CTNNA1: variants seen among roughly 807,000 people sequenced by gnomAD.
The protein encoded by CTNNA1 is catenin alpha 1, also known as catenin alpha-1.
CTNNA1 carries 37 observed loss-of-function variants against 98.4 expected under a neutral mutation model. The observed-to-expected ratio is 0.38, with a 90% CI of 0.29 to 0.49. The LOEUF (loss-of-function observed/expected upper bound fraction) is 0.49, where lower values mean the gene tolerates loss of function less well. CTNNA1 is among the 20% of genes least tolerant of loss of function. CTNNA1 has a pLI of 0.95. For synonymous variants in CTNNA1, 404 were observed against 413.2 expected, an observed-to-expected ratio of 0.98 and a Z score of 0.27; for missense variants, 761 against 1,147.2, an observed-to-expected ratio of 0.66 and a Z score of 4.86.
At chr5:138,781,681 A>C (rs546214812) in intron 1 of CTNNA1, among the ~76,000 whole-genome samples, 1 of 152,316 alleles carries the variant, frequency 6.6e-6, no homozygotes, top group South Asian at 2.1e-4. Flanking sequence ...GCCCAAAGGG[A>C]AACATTCTGT....
intron 12 of CTNNA1, 67 bp downstream of exon 12, chr5:138,924,777 A>G: frequency 2.2e-6 from 3 of 1,373,018 alleles, no homozygotes; most frequent in Non-Finnish European, 3.0e-6. Context: ...CCACCCCATT[A>G]GCCCAGCCCT....
chr5:138,778,904 A>T (rs1324546508), intron 1 of CTNNA1, among the ~76,000 whole-genome samples: 3 of 151,838 alleles, frequency 2.0e-5, no homozygotes, highest in Non-Finnish European at 2.9e-5. Context: ...TTTGAGATGG[A>T]ATCTTGCTCT....
At chr5:138,869,985 A>C (rs1300168726) in intron 7 of CTNNA1, 1 of 152,632 alleles carries the variant, frequency 6.6e-6, no homozygotes, top group East Asian at 1.9e-4. Context: ...ACGATTTCAA[A>C]CTAGTTCTTG....
At chr5:138,785,092 C>T (rs1288129065) in intron 3 of CTNNA1, among the ~76,000 whole-genome samples, 2 of 144,030 alleles carry the variant, frequency 1.4e-5, no homozygotes, top group Admixed American at 7.1e-5. Flanking sequence ...GACGGAGTCT[C>T]GCTCTGTCGC....
chr5:138,931,584 G>A, intron 16 of CTNNA1: 4 of 984,844 alleles, frequency 4.1e-6, no homozygotes, highest in Middle Eastern at 5.2e-4. Context: ...CGGTAATAGG[G>A]CCTATTGCTT....
intron 9 of CTNNA1, among the ~76,000 whole-genome samples, chr5:138,903,695 A>T (rs553363094): frequency 3.9e-5 from 6 of 152,254 alleles, no homozygotes; most frequent in Non-Finnish European, 7.4e-5. Flanking sequence ...GCCAGGAGAG[A>T]TTCAAGCTGT....
At chr5:138,815,538 C>G (rs1759349144) in intron 5 of CTNNA1, among the ~76,000 whole-genome samples, 1 of 152,148 alleles carries the variant, frequency 6.6e-6, no homozygotes, top group African/African-American at 2.4e-5. Flanking sequence ...ACACATCTTG[C>G]TCCCTGGTTT....
intron 1 of CTNNA1, among the ~76,000 whole-genome samples, chr5:138,755,412 C>T (rs1238277731): frequency 6.6e-6 from 1 of 152,076 alleles, no homozygotes; most frequent in Non-Finnish European, 1.5e-5. Context: ...TGATATCACT[C>T]TCCTGGTTTT....
intron 3 of CTNNA1, among the ~76,000 whole-genome samples, chr5:138,784,511 A>G (rs1230556355): frequency 2.0e-5 from 3 of 152,204 alleles, no homozygotes; most frequent in Non-Finnish European, 4.4e-5. Flanking sequence ...ATATTTTTTC[A>G]GTTTTCAGGC....
At chr5:138,838,255 A>G (rs1561579149) in intron 7 of CTNNA1, among the ~76,000 whole-genome samples, 1 of 152,254 alleles carries the variant, frequency 6.6e-6, no homozygotes, top group Non-Finnish European at 1.5e-5. Context: ...TCTTCAGTAG[A>G]TATAAAACTA....
chr5:138,896,877 C>T (rs7712089), intron 9 of CTNNA1, among the ~76,000 whole-genome samples: 2 of 152,094 alleles, frequency 1.3e-5, no homozygotes, highest in Non-Finnish European at 2.9e-5. Context: ...TAACGCAGTA[C>T]CCATGTGTCC....
At position 138,925,356 on chromosome 5, in the gene CTNNA1, C is replaced by T. The variant is rs746086252; in HGVS notation, c.1848C>T (p.Arg616=). ...AGAATGAGTTTATCGATGCTTCCCG[C>T]CTGGTATATGATGGCATCCGGGACA... The part of the protein sequence containing the change: ...MDENEFIDAS[R]LVYDGIRDIR... Residue 616 remains arginine, a synonymous_variant, in exon 13 of 18, where the codon CGC becomes CGT. Transcript: ENST00000302763. The T allele has an allele frequency of 1.9e-6, 3 of 1,614,150 alleles. No individual in the cohort carries two copies. The highest frequency in any genetic ancestry group is 2.5e-6 in the Non-Finnish European group (3 of 1,180,040).
At chr5:138,866,273 C>T (rs1248661302) in intron 7 of CTNNA1, among the ~76,000 whole-genome samples, 3 of 138,546 alleles carry the variant, frequency 2.2e-5, no homozygotes, top group Non-Finnish European at 4.7e-5. Flanking sequence ...TGTTGTAACT[C>T]ATTTATTTAT....
chr5:138,856,598 TC>T (rs1345544385), intron 7 of CTNNA1, among the ~76,000 whole-genome samples: 1 of 152,194 alleles, frequency 6.6e-6, no homozygotes, highest in Non-Finnish European at 1.5e-5. Context: ...TGTGTTGGAC[TC>T]CCAAAGGGCT....
At chr5:138,849,417 C>G (rs762765307) in intron 7 of CTNNA1, among the ~76,000 whole-genome samples, 1 of 152,106 alleles carries the variant, frequency 6.6e-6, no homozygotes, top group Non-Finnish European at 1.5e-5. Flanking sequence ...CTAGGCATAG[C>G]CTATGTATTT....
chr5:138,769,474 C>T (rs1487846390), intron 1 of CTNNA1, among the ~76,000 whole-genome samples: 3 of 151,656 alleles, frequency 2.0e-5, no homozygotes, highest in Non-Finnish European at 2.9e-5. Flanking sequence ...CTGCAACCTC[C>T]GCCTCCTGGA....
intron 3 of CTNNA1, among the ~76,000 whole-genome samples, chr5:138,790,250 G>A (rs825759): frequency 0.74 from 113,334 of 152,154 alleles, 42,493 homozygotes; most frequent in East Asian, 0.99. Context: ...GATCTTTTCA[G>A]TAGGTAAAAC....
At chr5:138,793,216 G>T (rs962542443) in intron 3 of CTNNA1, among the ~76,000 whole-genome samples, 2 of 152,166 alleles carry the variant, frequency 1.3e-5, no homozygotes, top group Admixed American at 1.3e-4. Context: ...TCATTAGCTG[G>T]TTGTCATCTG....
chr5:138,819,023 G>C (rs115813062), intron 5 of CTNNA1, among the ~76,000 whole-genome samples: 1,824 of 152,090 alleles, frequency 0.012, 34 homozygotes, highest in African/African-American at 0.042. Context: ...GGCCTAGGTT[G>C]AGGTTATGAT....
Sources: allele counts gnomAD v4.1 joint callset (sites outside exome capture counted in the v4.1 genomes callset), GRCh38; gene constraint gnomAD v4.1.1; transcripts MANE v1.5; gene names NCBI Gene and HGNC (gene_info 2026-07-23, HGNC 2026-07-21).